The following CWC27 variants were observed in gnomAD, a reference collection of about 807,000 sequenced individuals.
CWC27 encodes CWC27 spliceosome associated cyclophilin.
In CWC27, 47 loss-of-function variants were observed where a neutral mutation model predicts 63.6. That is an observed-to-expected ratio of 0.74 (90% CI 0.58 to 0.94). CWC27 has a LOEUF of 0.94. Ranked by LOEUF, CWC27 falls within the 40% of genes least tolerant of loss-of-function variation. The probability of loss-of-function intolerance (pLI) is 0.00; values close to 1 mark genes in which losing one functional copy is unlikely to be tolerated. For synonymous variants in CWC27, 175 were observed against 179.8 expected (o/e 0.97, Z 0.22); for missense variants, 495 against 554.3 (o/e 0.89, Z 1.07).
At chr5:64,893,155 A>G (rs566683410) in intron 11 of CWC27, among the ~76,000 whole-genome samples, 3 of 152,380 alleles carry the variant, frequency 2.0e-5, no homozygotes, top group Non-Finnish European at 2.9e-5. Context: ...AACTAATATC[A>G]TCATTAAAAG....
intron 12 of CWC27, among the ~76,000 whole-genome samples, chr5:64,974,232 T>C (rs1749180954): frequency 6.6e-6 from 1 of 151,940 alleles, no homozygotes; most frequent in Non-Finnish European, 1.5e-5. Context: ...AGTGAGACTC[T>C]ATCTCTTAAA....
At chr5:64,916,336 G>A (rs1292577844) in intron 11 of CWC27, among the ~76,000 whole-genome samples, 1 of 152,134 alleles carries the variant, frequency 6.6e-6, no homozygotes, top group Non-Finnish European at 1.5e-5. Context: ...AGCCTTTAAA[G>A]TCAGAAAAAC....
rs199655070 is a variant in CWC27 at position 64,885,499 on chromosome 5, A to G, written c.995A>G (p.Gln332Arg). 2.5e-6 allele frequency: 4 copies of G among 1,600,576 alleles called. No homozygotes were observed. Among genetic ancestry groups the G allele is most frequent in the Non-Finnish European group, 3.4e-6 (4 of 1,171,986 alleles). ...AAACGGGAACTCTTAGCAGCAAAAC[A>G]AAAAAAAGTAGAAAATGCAGCAAAA... ...QLKRELLAAK[Q>R]KKVENAAKQA... The change falls in exon 11 of 14, where the codon CAA (glutamine) becomes CGA (arginine). Residue 332 changes from glutamine (Q) to arginine (R), a missense_variant. Gln to Arg is a conservative substitution (Grantham distance 43). Around this residue, in one of 3 missense-constraint regions of CWC27, gnomAD observed 463 missense variants for 498.1 expected, o/e 0.93. Transcript: ENST00000381070.
intron 11 of CWC27, among the ~76,000 whole-genome samples, chr5:64,967,719 T>C (rs1317163459): frequency 6.6e-6 from 1 of 151,910 alleles, no homozygotes; most frequent in Non-Finnish European, 1.5e-5. Context: ...GATGTCTGTA[T>C]AGAAAAAAAA....
chr5:64,809,944 G>A (rs974754281), intron 10 of CWC27, among the ~76,000 whole-genome samples: 2 of 151,600 alleles, frequency 1.3e-5, no homozygotes, highest in Non-Finnish European at 2.9e-5. Flanking sequence ...TGTGTTTTGG[G>A]AGTCCTATCC....
chr5:64,998,022 G>A (rs1440504072), intron 13 of CWC27, among the ~76,000 whole-genome samples: 1 of 152,078 alleles, frequency 6.6e-6, no homozygotes, highest in East Asian at 1.9e-4. Flanking sequence ...CAGAGTTGCT[G>A]ACCCTGGAAT....
At chr5:64,868,805 T>C (rs941383512) in intron 10 of CWC27, among the ~76,000 whole-genome samples, 10 of 152,028 alleles carry the variant, frequency 6.6e-5, no homozygotes, top group African/African-American at 2.4e-4. Context: ...TTTTTTGTAG[T>C]TCTAGTTGTC....
At chr5:64,869,800 A>G (rs575313181) in intron 10 of CWC27, among the ~76,000 whole-genome samples, 9 of 151,996 alleles carry the variant, frequency 5.9e-5, no homozygotes, top group Non-Finnish European at 1.3e-4. Flanking sequence ...TTTATACCAT[A>G]TTATGTGTTT....
At chr5:64,919,210 T>C (rs1747947655) in intron 11 of CWC27, among the ~76,000 whole-genome samples, 1 of 152,238 alleles carries the variant, frequency 6.6e-6, no homozygotes, top group African/African-American at 2.4e-5. Context: ...ATAATTTTGT[T>C]GCTTCGTTTT....
chr5:64,849,264 A>T (rs1386888599), intron 10 of CWC27, among the ~76,000 whole-genome samples: 1 of 152,096 alleles, frequency 6.6e-6, no homozygotes. Flanking sequence ...TTAGGAATAA[A>T]TTTAACTATG....
intron 11 of CWC27, among the ~76,000 whole-genome samples, chr5:64,950,356 C>T (rs992658248): frequency 3.4e-4 from 51 of 150,428 alleles, no homozygotes; most frequent in African/African-American, 1.2e-3. Flanking sequence ...CTAAACTTAA[C>T]ATAAATTTTA....
intron 10 of CWC27, among the ~76,000 whole-genome samples, chr5:64,867,938 T>TG (rs34263129): frequency 0.016 from 2,402 of 148,520 alleles, 41 homozygotes; most frequent in African/African-American, 0.042. Flanking sequence ...TTGTTGTGTT[T>TG]GGGGGGGGGG....
At chr5:64,779,400 T>C (rs1346272515) in intron 2 of CWC27, among the ~76,000 whole-genome samples, 4 of 152,346 alleles carry the variant, frequency 2.6e-5, no homozygotes, top group African/African-American at 7.2e-5. Flanking sequence ...TAATAGCTTT[T>C]GTTTATTCAG....
rs534594937 is a variant in CWC27, at chr5:64,940,158, G to A, written c.1043-31545G>A. ...TCTCACTGGCATTCCAGGTGCCACT[G>A]GGGTATGAAAAAAAACCTCCTGCAG... On this transcript the variant is annotated intron_variant, in intron 11 of 13. Coordinates refer to ENST00000381070, the MANE Select transcript of CWC27 (RefSeq NM_005869.4). Among the ~76,000 whole-genome samples the A allele has an allele frequency of 3.0e-4, 46 of 152,228 alleles. No homozygotes were observed. The South Asian group carries it at 9.3e-3, about 31-fold the overall frequency.
chr5:64,881,635 G>T (rs942415801), intron 10 of CWC27, among the ~76,000 whole-genome samples: 5 of 152,094 alleles, frequency 3.3e-5, no homozygotes, highest in African/African-American at 1.2e-4. Flanking sequence ...GAGAAGTTAA[G>T]TAACTATTCT....
chr5:64,869,114 A>G (rs920484951), intron 10 of CWC27, among the ~76,000 whole-genome samples: 18 of 152,084 alleles, frequency 1.2e-4, no homozygotes, highest in Non-Finnish European at 2.4e-4. Flanking sequence ...AATTTACTTC[A>G]TAAAAGAAAA....
chr5:64,938,884 C>A (rs1032063624), intron 11 of CWC27, among the ~76,000 whole-genome samples: 1 of 152,154 alleles, frequency 6.6e-6, no homozygotes, highest in Non-Finnish European at 1.5e-5. Context: ...TCCTTTCTTA[C>A]GCTTGATCGG....
intron 7 of CWC27, among the ~76,000 whole-genome samples, chr5:64,794,420 G>T (rs1284379999): frequency 6.6e-6 from 1 of 152,042 alleles, no homozygotes; most frequent in African/African-American, 2.4e-5. Flanking sequence ...AGCTGAATAG[G>T]TATGACATAA....
At position 64,804,216 on chromosome 5, in the gene CWC27, T is replaced by G. The variant is rs956545920; in HGVS notation, c.781-13T>G. The G allele has an allele frequency of 1.3e-5, 21 of 1,578,064 alleles. No individual in the cohort carries two copies. The highest frequency in any genetic ancestry group is 1.7e-5 in the Non-Finnish European group (20 of 1,161,076). On this transcript the variant is annotated splice_polypyrimidine_tract_variant and intron_variant, in intron 9 of 13. Coordinates refer to ENST00000381070, the MANE Select transcript of CWC27 (RefSeq NM_005869.4). The stretch of plus-strand genomic sequence containing the variant: ...TTGAGCACCTGGCAAATACTCATTT[T>G]CCATTTCTACAGGATGGAGAAGATG...
Sources: gnomAD v4.1 joint callset for allele counts (sites outside exome capture counted in the v4.1 genomes callset) on GRCh38, gnomAD v4.1.1 for gene constraint, gnomAD v4.1.1 regional missense constraint, MANE v1.5 for transcripts, NCBI Gene and HGNC (gene_info 2026-07-23, HGNC 2026-07-21) for gene names.